Variants in MNAT1 observed in about 807,000 individuals in gnomAD.
MNAT1 encodes CDK-activating kinase assembly factor MAT1.
In MNAT1, 43 loss-of-function variants were observed where a neutral mutation model predicts 42.0. The observed-to-expected ratio is 1.02, with a 90% confidence interval of 0.80 to 1.32. MNAT1 has a LOEUF of 1.32. MNAT1 is among the 40% of genes most tolerant of loss of function. The probability of loss-of-function intolerance (pLI) is 0.00; values close to 1 mark genes in which losing one functional copy is unlikely to be tolerated. For missense variants in MNAT1, 306 were observed against 350.4 expected (o/e 0.87, Z 1.01); for synonymous variants, 118 against 120.0 (o/e 0.98, Z 0.11).
At position 60,968,210 on chromosome 14, in the gene MNAT1, A is replaced by G. The variant is rs371821005; in HGVS notation, c.810-19A>G. On this transcript the variant is annotated intron_variant, in intron 7 of 7. Transcript: ENST00000261245. The stretch of plus-strand genomic sequence containing the variant: ...TATTTGCTTTGTATATCAATGCTAC[A>G]CTTCTTGTTTTGTTTTAGGTATTTA... 1.9e-5 allele frequency: 30 copies of G among 1,574,246 alleles called. No individual in the cohort carries two copies. The African/African-American group carries it at 3.4e-4, about 18-fold the overall frequency.
rs1173670967 is a variant in MNAT1 at position 60,740,974 on chromosome 14, T to G, written c.89+6023T>G. On this transcript the variant is annotated intron_variant, in intron 1 of 7. Coordinates refer to ENST00000261245, the MANE Select transcript of MNAT1 (RefSeq NM_002431.4). The surrounding 1 kb of genome is among the most constrained non-coding windows in gnomAD (Gnocchi z 4.1). ...ATCTTATGAATTACTCCACTATGAT[T>G]ATAGATTTGTCAGTTTTTCTTGTAA... Among the ~76,000 whole-genome samples the G allele has an allele frequency of 6.6e-6, 1 of 152,206 alleles. No homozygotes were observed. The highest frequency in any genetic ancestry group is 1.5e-5 in the Non-Finnish European group (1 of 68,024).
intron 7 of MNAT1, 34 bp from the exon 8 acceptor site, chr14:60,968,195 G>C: frequency 6.7e-7 from 1 of 1,495,780 alleles, no homozygotes; most frequent in East Asian, 2.3e-5. Flanking sequence ...TATTTGCTTT[G>C]TATATCAATG....
At chr14:60,885,666 A>G (rs778032323) in intron 7 of MNAT1, among the ~76,000 whole-genome samples, 8 of 152,002 alleles carry the variant, frequency 5.3e-5, no homozygotes, top group Non-Finnish European at 1.0e-4. Context: ...TTAACCCTTT[A>G]TTGGATGTAT....
chr14:60,935,385 C>A (rs1387275428), intron 7 of MNAT1, among the ~76,000 whole-genome samples: 1 of 135,576 alleles, frequency 7.4e-6, no homozygotes, highest in Non-Finnish European at 1.6e-5. Context: ...TATTGAAATA[C>A]TTTATATAAA....
chr14:60,838,647 A>G (rs1337387483), intron 6 of MNAT1, among the ~76,000 whole-genome samples: 2 of 152,114 alleles, frequency 1.3e-5, no homozygotes, highest in Non-Finnish European at 2.9e-5. Flanking sequence ...AGCTGGGAAC[A>G]GGTGGGAGTC....
chr14:60,835,544 T>C (rs1436030232), intron 6 of MNAT1, among the ~76,000 whole-genome samples: 1 of 152,226 alleles, frequency 6.6e-6, no homozygotes, highest in Admixed American at 6.5e-5. Context: ...AAATTTCTTT[T>C]CTTTAAGAAT....
intron 7 of MNAT1, among the ~76,000 whole-genome samples, chr14:60,965,399 C>G (rs887369641): frequency 1.3e-5 from 2 of 152,140 alleles, no homozygotes; most frequent in East Asian, 3.8e-4. Flanking sequence ...TTTATATACT[C>G]TTTATGGAAA....
chr14:60,756,807 A>C (rs1390667927), intron 1 of MNAT1, among the ~76,000 whole-genome samples: 1 of 152,144 alleles, frequency 6.6e-6, no homozygotes, highest in Non-Finnish European at 1.5e-5. Context: ...GATGCCATAT[A>C]GTTTCTTTTT....
chr14:60,834,133 A>G (rs1408570997), intron 6 of MNAT1, among the ~76,000 whole-genome samples: 1 of 152,028 alleles, frequency 6.6e-6, no homozygotes, highest in Non-Finnish European at 1.5e-5. Flanking sequence ...TCCTGTATTC[A>G]TTGATTTTTT....
chr14:60,961,743 A>AT lies in MNAT1; in HGVS notation c.810-6476dup, dbSNP rs1023313392. On this transcript the variant is annotated intron_variant, in intron 7 of 7. Transcript: ENST00000261245. ...CCTGGCAAATAGTAGGCTCTCAGTA[A>AT]TTTTTTTTTTGAGAATGAATGAGCT... 3.5e-4 allele frequency among the ~76,000 whole-genome samples: 53 copies of AT among 150,190 alleles called. 1 individual carries two copies. The highest frequency in any genetic ancestry group is 9.8e-4 in the East Asian group (5 of 5,118).
chr14:60,910,047 G>C (rs1049239069), intron 7 of MNAT1, among the ~76,000 whole-genome samples: 92 of 152,258 alleles, frequency 6.0e-4, no homozygotes, highest in Non-Finnish European at 1.2e-3. Context: ...CACATCCCTT[G>C]TAAGTTGGAT....
chr14:60,828,900 T>C (rs1360170927), intron 6 of MNAT1, among the ~76,000 whole-genome samples: 1 of 152,142 alleles, frequency 6.6e-6, no homozygotes, highest in Non-Finnish European at 1.5e-5. Flanking sequence ...AAAAGATGCA[T>C]AGGGCAAGGT....
intron 1 of MNAT1, among the ~76,000 whole-genome samples, chr14:60,750,518 C>T (rs2030035864): frequency 1.4e-5 from 2 of 146,016 alleles, no homozygotes; most frequent in African/African-American, 2.5e-5. Flanking sequence ...GCGTGAGCCA[C>T]TGCGCCCAGC....
At chr14:60,748,551 T>C (rs1229504745) in intron 1 of MNAT1, among the ~76,000 whole-genome samples, 1 of 152,204 alleles carries the variant, frequency 6.6e-6, no homozygotes, top group Non-Finnish European at 1.5e-5. Flanking sequence ...TTTTACTTTT[T>C]AAGCTTTTTC....
intron 3 of MNAT1, among the ~76,000 whole-genome samples, chr14:60,803,895 C>G (rs1052367759): frequency 6.6e-6 from 1 of 152,154 alleles, no homozygotes; most frequent in African/African-American, 2.4e-5. Context: ...GATGGACTTT[C>G]TTATGGCATT....
At chr14:60,775,246 A>T (rs575295865) in intron 1 of MNAT1, among the ~76,000 whole-genome samples, 1 of 152,256 alleles carries the variant, frequency 6.6e-6, no homozygotes, top group South Asian at 2.1e-4. Context: ...TGCTGCTAAG[A>T]GGTGGTATTG....
rs1005587531 is a variant in MNAT1, at chr14:60,878,326, C to T, written c.688-1388C>T. Among the ~76,000 whole-genome samples the T allele has an allele frequency of 1.7e-4, 26 of 152,092 alleles. No homozygotes were observed. In the East Asian group the frequency reaches 1.7e-3, roughly 10 times the overall value. The stretch of plus-strand genomic sequence containing the variant: ...GGTCCTAGGAATTTAACTATGTCAG[C>T]GAAATCTTTTTTTATTATTATTACT... On this transcript the variant is annotated intron_variant, in intron 6 of 7. Transcript: ENST00000261245.
intron 7 of MNAT1, among the ~76,000 whole-genome samples, chr14:60,886,043 T>C (rs1197980925): frequency 6.6e-6 from 1 of 152,072 alleles, no homozygotes; most frequent in East Asian, 1.9e-4. Context: ...TATGTTTTCA[T>C]GCCCTTATCA....
intron 6 of MNAT1, among the ~76,000 whole-genome samples, chr14:60,866,925 G>A (rs183566875): frequency 5.7e-4 from 86 of 152,100 alleles, no homozygotes; most frequent in East Asian, 5.6e-3. Flanking sequence ...TCTAAAATTA[G>A]AGTTGAAATA....
Sources: gnomAD v4.1 joint callset for allele counts (sites outside exome capture counted in the v4.1 genomes callset) on GRCh38, gnomAD v4.1.1 for gene constraint, Gnocchi (gnomAD v3.1) non-coding constraint, MANE v1.5 for transcripts, NCBI Gene and HGNC (gene_info 2026-07-23, HGNC 2026-07-21) for gene names.